The following LOXL1 variants were observed in gnomAD, a reference collection of about 807,000 sequenced individuals.
LOXL1 encodes lysyl oxidase homolog 1.
In LOXL1, 31 loss-of-function variants were observed where a neutral mutation model predicts 62.2. The ratio of observed to expected loss-of-function variants is 0.50; its 90% CI spans 0.37 to 0.67. The LOEUF (loss-of-function observed/expected upper bound fraction) is 0.67. LOXL1 is among the 30% of genes least tolerant of loss of function. LOXL1 has a pLI of 0.00. For missense variants in LOXL1, 775 were observed against 843.4 expected (o/e 0.92, Z 1.00); for synonymous variants, 403 against 384.4 (o/e 1.05, Z -0.56).
chr15:73,927,943 T>TCCGGGCCCC (rs974348315), intron 1 of LOXL1, 58 bp downstream of exon 1: 2 of 1,272,050 alleles, frequency 1.6e-6, no homozygotes, highest in African/African-American at 1.6e-5. Flanking sequence ...TGGAAACTGC[T>TCCGGGCCCC]CCGGGCCCCC....
intron 2 of LOXL1, among the ~76,000 whole-genome samples, chr15:73,944,015 T>C (rs561047786): frequency 2.6e-5 from 4 of 152,348 alleles, no homozygotes; most frequent in Admixed American, 2.0e-4. Context: ...TCCGCTGAAC[T>C]AAGCAGAGTG....
intron 1 of LOXL1, among the ~76,000 whole-genome samples, chr15:73,938,270 AC>A (rs921679388): frequency 1.7e-5 from 1 of 58,014 alleles, no homozygotes; most frequent in African/African-American, 6.8e-5. Context: ...ACAGAGCTAG[AC>A]TCCGTATCTA....
At chr15:73,940,070 C>A (rs142129005) in intron 1 of LOXL1, among the ~76,000 whole-genome samples, 276 of 152,320 alleles carry the variant, frequency 1.8e-3, no homozygotes, top group African/African-American at 6.4e-3. Context: ...GGACTCAGGG[C>A]CTGCCCATAG....
chr15:73,943,564 T>C (rs1030374867), intron 2 of LOXL1, among the ~76,000 whole-genome samples: 3 of 152,194 alleles, frequency 2.0e-5, no homozygotes, highest in African/African-American at 7.2e-5. Context: ...CCAGTTTCCA[T>C]GAACCTAGAA....
intron 1 of LOXL1, among the ~76,000 whole-genome samples, chr15:73,940,741 G>A (rs544342295): frequency 1.2e-4 from 18 of 152,304 alleles, no homozygotes; most frequent in African/African-American, 3.8e-4. Flanking sequence ...AGGTCAGGGT[G>A]CAGACTGTGA....
At chr15:73,936,769 C>T (rs749278335) in intron 1 of LOXL1, among the ~76,000 whole-genome samples, 3 of 152,208 alleles carry the variant, frequency 2.0e-5, no homozygotes, top group Admixed American at 6.5e-5. Context: ...CTCCAGGAAC[C>T]GCTGGGCAGG....
At chr15:73,935,557 G>A (rs1027580609) in intron 1 of LOXL1, among the ~76,000 whole-genome samples, 2 of 152,166 alleles carry the variant, frequency 1.3e-5, no homozygotes, top group East Asian at 1.9e-4. Context: ...TAGAGGTGGG[G>A]TAGGGGGCAC....
Position 73,926,657 on chromosome 15 carries a change from A to C in LOXL1, c.-127A>C. The C allele has an allele frequency of 8.9e-7, 1 of 1,126,250 alleles. No individual in the cohort carries two copies. Among genetic ancestry groups the C allele is most frequent in the Non-Finnish European group, 1.2e-6 (1 of 854,408 alleles). 69.8% of individuals were successfully genotyped at this position (1,126,250 alleles called of 1,614,324 possible). ...CCGTCCCGCTCGGGACAAGGCCAGCATGGACAAAGCTAGAGCTGGGGCAAG... is the reference window on the plus strand; with the variant it reads ...CCGTCCCGCTCGGGACAAGGCCAGCCTGGACAAAGCTAGAGCTGGGGCAAG... On this transcript the variant is annotated 5_prime_UTR_variant, in exon 1 of 7. An upstream start codon of the reference 5' UTR is lost. Coordinates refer to ENST00000261921, the MANE Select transcript of LOXL1 (RefSeq NM_005576.4).
chr15:73,932,405 T>G (rs1177504696), intron 1 of LOXL1, among the ~76,000 whole-genome samples: 2 of 152,142 alleles, frequency 1.3e-5, no homozygotes, highest in Admixed American at 6.5e-5. Flanking sequence ...AAAAAAAAAT[T>G]TATATATTAT....
chr15:73,946,601 G>A, intron 3 of LOXL1, 47 bp downstream of exon 3: 1 of 1,561,812 alleles, frequency 6.4e-7, no homozygotes, highest in South Asian at 1.2e-5. Context: ...TCTCCTCTGG[G>A]CCAGGGACCT....
Position 73,943,775 on chromosome 15 carries a change from T to G in LOXL1, c.1211+813T>G, listed in dbSNP as rs536724347. 7.2e-5 allele frequency among the ~76,000 whole-genome samples: 11 copies of G among 152,348 alleles called. No homozygotes were observed. The South Asian group carries it at 8.3e-4, about 11-fold the overall frequency. ...TGTTGAAAGCACCTATTTTTCTTAA[T>G]TACCTGCTTTTTGGACATTTGAACT... On this transcript the variant is annotated intron_variant, in intron 2 of 6. Transcript: ENST00000261921.
At chr15:73,938,604 G>A (rs1290600987) in intron 1 of LOXL1, among the ~76,000 whole-genome samples, 2 of 152,056 alleles carry the variant, frequency 1.3e-5, no homozygotes, top group Non-Finnish European at 2.9e-5. Flanking sequence ...CTAGCTACTT[G>A]GGAAGCTGAG....
chr15:73,945,100 ATG>A lies in LOXL1; in HGVS notation c.1212-1307_1212-1306del, dbSNP rs1567088848. On this transcript the variant is annotated intron_variant, in intron 2 of 6. Coordinates refer to ENST00000261921, the MANE Select transcript of LOXL1 (RefSeq NM_005576.4). This position sits in a 1 kb window ranked among gnomAD's most constrained non-coding sequence, Gnocchi z 4.3. ...TGTGTGCATGTGTGTGTATGTGTGC[ATG>A]TGTGTGTGTCTCCCCTCACTGCAGC... Among the ~76,000 whole-genome samples the A allele has an allele frequency of 6.6e-6, 1 of 152,060 alleles. No individual in the cohort carries two copies. The highest frequency in any genetic ancestry group is 1.5e-5 in the Non-Finnish European group (1 of 68,000).
chr15:73,938,516 G>T (rs968507623), intron 1 of LOXL1, among the ~76,000 whole-genome samples: 12 of 152,080 alleles, frequency 7.9e-5, no homozygotes, highest in Non-Finnish European at 1.2e-4. Flanking sequence ...TTCGAGACCA[G>T]CCTGGCCAAC....
intron 1 of LOXL1, 27 bp downstream of exon 1, chr15:73,927,912 G>A (rs1247358589): frequency 7.7e-7 from 1 of 1,297,702 alleles, no homozygotes. Flanking sequence ...CGCCCCTCCG[G>A]CCGCGCGTAC....
At chr15:73,937,590 A>C (rs1400954525) in intron 1 of LOXL1, among the ~76,000 whole-genome samples, 4 of 152,224 alleles carry the variant, frequency 2.6e-5, no homozygotes, top group Non-Finnish European at 4.4e-5. Context: ...AGAGGCCGGC[A>C]CAGGGCCTCA....
In LOXL1 at chr15:73,927,155, G is replaced by T; in HGVS notation, c.372G>T (p.Val124=). 6.6e-7 allele frequency: 1 copy of T among 1,520,682 alleles called. No individual in the cohort carries two copies. The highest frequency in any genetic ancestry group is 8.8e-7 in the Non-Finnish European group (1 of 1,134,158). The allele number at this position is 1,520,682 out of a possible 1,614,324, so 94.2% of individuals were successfully genotyped here. ...GGCACCCATTCGGCTTTGGCCAGGT[G>T]CCCGACAACTGGCGCGAGGTGGCCG... ...QARHPFGFGQ[V]PDNWREVAVG... The change falls in exon 1 of 7, where the codon GTG becomes GTT. Residue 124 remains valine (V), a synonymous_variant. Coordinates refer to ENST00000261921, the MANE Select transcript of LOXL1 (RefSeq NM_005576.4).
chr15:73,950,793 C>G (rs1237823528), intron 6 of LOXL1, among the ~76,000 whole-genome samples: 1 of 152,250 alleles, frequency 6.6e-6, no homozygotes, highest in Non-Finnish European at 1.5e-5. Context: ...CCCTCTCACA[C>G]TTGGTTGCTA....
Position 73,948,485 on chromosome 15 carries a change from T to C in LOXL1, c.1602+583T>C, listed in dbSNP as rs1333013372. On this transcript the variant is annotated intron_variant, in intron 5 of 6. Coordinates refer to ENST00000261921, the MANE Select transcript of LOXL1 (RefSeq NM_005576.4). ...GTCATGGGCCCACCTGGGGAAGCCA[T>C]GTCTCAGCCTCCTCCACACAGGTAT... Among the ~76,000 whole-genome samples, 3 of 152,116 alleles carry C rather than the reference T, an allele frequency of 2.0e-5. No individual in the cohort carries two copies. The East Asian group carries it at 5.8e-4, about 29-fold the overall frequency.
Sources: allele counts gnomAD v4.1 joint callset (sites outside exome capture counted in the v4.1 genomes callset), GRCh38; gene constraint gnomAD v4.1.1; non-coding constraint Gnocchi (gnomAD v3.1); transcripts MANE v1.5; gene names NCBI Gene and HGNC (gene_info 2026-07-23, HGNC 2026-07-21).